AGAP1: variants seen among roughly 807,000 people sequenced by gnomAD.
The protein encoded by AGAP1 is ArfGAP with GTPase domain, ankyrin repeat and PH domain 1, also known as arf-GAP with GTPase, ANK repeat and PH domain-containing protein 1.
A neutral mutation model predicts 105.3 loss-of-function variants in AGAP1; 29 were observed. The observed-to-expected ratio is 0.28, with a 90% CI of 0.21 to 0.38. The LOEUF (loss-of-function observed/expected upper bound fraction) is 0.38, where lower values mean the gene tolerates loss of function less well. AGAP1 is among the 10% of genes least tolerant of loss of function. The pLI is 1.00. For synonymous variants in AGAP1, 509 were observed against 485.9 expected, an observed-to-expected ratio of 1.05 and a Z score of -0.63; for missense variants, 998 against 1,165.1, an observed-to-expected ratio of 0.86 and a Z score of 2.09.
chr2:235,936,934 CTT>C lies in AGAP1; in HGVS notation c.1483+6022_1483+6023del, dbSNP rs900623607. Among the ~76,000 whole-genome samples the C allele has an allele frequency of 6.9e-6, 1 of 144,374 alleles. No individual in the cohort carries two copies. The highest frequency in any genetic ancestry group is 1.5e-5 in the Non-Finnish European group (1 of 65,576). 94.7% of individuals were successfully genotyped at this position (144,374 alleles called of 152,430 possible). A position where few individuals can be genotyped will look rare whatever the true frequency, so the allele number is the denominator to read the frequency against. ...CAAAGCTTGTAATCATTCCCCTCTG[CTT>C]TTTTTTTTTTAAGGAGAAACGCATG... On this transcript the variant is annotated intron_variant, in intron 12 of 17. Transcript: ENST00000304032. This position sits in a 1 kb window ranked among gnomAD's most constrained non-coding sequence, Gnocchi z 4.7.
intron 13 of AGAP1, among the ~76,000 whole-genome samples, chr2:236,017,283 A>T (rs1272876174): frequency 1.4e-5 from 2 of 142,454 alleles, no homozygotes; most frequent in Non-Finnish European, 3.0e-5. Flanking sequence ...ACAGAGCGAG[A>T]CTCCATCTCA....
chr2:236,024,044 T>G (rs1434984183), intron 13 of AGAP1, among the ~76,000 whole-genome samples: 3 of 149,120 alleles, frequency 2.0e-5, no homozygotes, highest in East Asian at 2.0e-4. Flanking sequence ...GTTTTTTTTT[T>G]TTTTTGGAGA....
rs555207573 is a variant in AGAP1 at position 235,824,717 on chromosome 2, A to C, written c.1050+17386A>C. Among the ~76,000 whole-genome samples, 142 of 152,322 alleles carry C rather than the reference A, an allele frequency of 9.3e-4. No homozygotes were observed. The highest frequency in any genetic ancestry group is 1.8e-3 in the Admixed American group (28 of 15,298). On this transcript the variant is annotated intron_variant, in intron 9 of 17. Coordinates refer to ENST00000304032, the MANE Select transcript of AGAP1 (RefSeq NM_001037131.3). This position sits in a 1 kb window ranked among gnomAD's most constrained non-coding sequence, Gnocchi z 5.2. The stretch of plus-strand genomic sequence containing the variant: ...AGCAATAAAAATATATTCCACATGT[A>C]GATGAGATGTGCCCTTATATGAGAC...
chr2:235,544,553 C>G (rs1943561914), intron 1 of AGAP1, among the ~76,000 whole-genome samples: 1 of 152,224 alleles, frequency 6.6e-6, no homozygotes, highest in South Asian at 2.1e-4. Flanking sequence ...CCGGGCCGAC[C>G]ACGGAGCCCC....
chr2:235,587,922 T>A (rs368968704), intron 1 of AGAP1, among the ~76,000 whole-genome samples: 1 of 151,864 alleles, frequency 6.6e-6, no homozygotes, highest in East Asian at 2.0e-4. Flanking sequence ...GGAAGTCATC[T>A]GGCAGCCTTA....
At chr2:235,554,765 G>A (rs1008416224) in intron 1 of AGAP1, among the ~76,000 whole-genome samples, 39 of 152,076 alleles carry the variant, frequency 2.6e-4, no homozygotes, top group African/African-American at 8.5e-4. Flanking sequence ...TGCCTCCCAG[G>A]TTCAAGCAGT....
chr2:235,985,487 C>T (rs2055274494), intron 13 of AGAP1, among the ~76,000 whole-genome samples: 1 of 152,170 alleles, frequency 6.6e-6, no homozygotes, highest in Non-Finnish European at 1.5e-5. Flanking sequence ...GCTTTTGTTG[C>T]AATTGCTTTT....
chr2:235,952,150 C>T (rs2053764458), intron 12 of AGAP1, among the ~76,000 whole-genome samples: 1 of 152,128 alleles, frequency 6.6e-6, no homozygotes, highest in African/African-American at 2.4e-5. Flanking sequence ...GCAGAGCTCA[C>T]CTGCCTCTTG....
At chr2:236,023,509 A>G (rs182059647) in intron 13 of AGAP1, among the ~76,000 whole-genome samples, 1 of 152,210 alleles carries the variant, frequency 6.6e-6, no homozygotes, top group Non-Finnish European at 1.5e-5. Flanking sequence ...GAAGGTAAGC[A>G]TCGGTGGTAA....
Position 236,053,391 on chromosome 2 carries a change from C to T in AGAP1, c.2114+4110C>T, listed in dbSNP as rs527284083. 7.2e-4 allele frequency among the ~76,000 whole-genome samples: 109 copies of T among 152,348 alleles called. 1 individual carries two copies. Among genetic ancestry groups the T allele is most frequent in the African/African-American group, 2.3e-3 (97 of 41,576 alleles). Reference sequence around the variant, plus strand: ...AACCGGGGCTTTGACGTTTGCAGCACCAGCAAAGCCGTCTCAGTAAACCCG... The same window carrying T: ...AACCGGGGCTTTGACGTTTGCAGCATCAGCAAAGCCGTCTCAGTAAACCCG... On this transcript the variant is annotated intron_variant, in intron 16 of 17. Transcript: ENST00000304032. This position sits in a 1 kb window ranked among gnomAD's most constrained non-coding sequence, Gnocchi z 4.6.
At chr2:235,996,264 G>A (rs929144622) in intron 13 of AGAP1, among the ~76,000 whole-genome samples, 1 of 152,184 alleles carries the variant, frequency 6.6e-6, no homozygotes, top group Non-Finnish European at 1.5e-5. Context: ...CTTGACACCT[G>A]CACCCAGGTG....
At position 236,061,513 on chromosome 2, in the gene AGAP1, T is replaced by G. The variant is rs925354409; in HGVS notation, c.2114+12232T>G. 1.3e-5 allele frequency among the ~76,000 whole-genome samples: 2 copies of G among 152,226 alleles called. No individual in the cohort carries two copies. Among genetic ancestry groups the G allele is most frequent in the Admixed American group, 1.3e-4 (2 of 15,284 alleles). On this transcript the variant is annotated intron_variant, in intron 16 of 17. Coordinates refer to ENST00000304032, the MANE Select transcript of AGAP1 (RefSeq NM_001037131.3). The surrounding 1 kb of genome is among the most constrained non-coding windows in gnomAD (Gnocchi z 4.1). Reference sequence around the variant, plus strand: ...GTCTGTCCGTACACCAGAACGTGATTCTGCCATGGGAAGGAGTGAAGTGTG... The same window carrying G: ...GTCTGTCCGTACACCAGAACGTGATGCTGCCATGGGAAGGAGTGAAGTGTG...
chr2:235,671,190 C>T (rs1342716796), intron 1 of AGAP1: 7 of 1,046,272 alleles, frequency 6.7e-6, no homozygotes, highest in Non-Finnish European at 8.5e-6. Flanking sequence ...AACTCGGGTA[C>T]TGCGGTTTTC....
At chr2:236,028,125 G>A (rs2057113100) in intron 13 of AGAP1, among the ~76,000 whole-genome samples, 1 of 152,186 alleles carries the variant, frequency 6.6e-6, no homozygotes, top group Non-Finnish European at 1.5e-5. Context: ...AGCAGGGTCT[G>A]TCATGGGGCT....
At chr2:235,944,263 C>T (rs1449727875) in intron 12 of AGAP1, among the ~76,000 whole-genome samples, 1 of 152,178 alleles carries the variant, frequency 6.6e-6, no homozygotes, top group African/African-American at 2.4e-5. Context: ...ACACTATTCT[C>T]ACACATGATC....
intron 1 of AGAP1, among the ~76,000 whole-genome samples, chr2:235,588,420 G>A (rs541573038): frequency 6.6e-5 from 10 of 151,816 alleles, no homozygotes; most frequent in South Asian, 2.1e-4. Context: ...CCAACGCACC[G>A]TCACCTTCCT....
At position 235,867,536 on chromosome 2, in the gene AGAP1, A is replaced by AGTGTGTGTGTGT. The variant is rs61257818; in HGVS notation, c.1051-15781_1051-15770dup. The stretch of plus-strand genomic sequence containing the variant: ...ATCATACACCTTATGCTGGTGCTGC[A>AGTGTGTGTGTGT]GTGTGTGTGTGTGTGTGTGTGTGTG... On this transcript the variant is annotated intron_variant, in intron 9 of 17. Coordinates refer to ENST00000304032, the MANE Select transcript of AGAP1 (RefSeq NM_001037131.3). This position sits in a 1 kb window ranked among gnomAD's most constrained non-coding sequence, Gnocchi z 5.4. Among the ~76,000 whole-genome samples the AGTGTGTGTGTGT allele has an allele frequency of 0.02, 2,434 of 123,288 alleles. 47 individuals are homozygous for AGTGTGTGTGTGT. Among genetic ancestry groups the AGTGTGTGTGTGT allele is most frequent in the Middle Eastern group, 0.033 (8 of 246 alleles). 80.9% of individuals were successfully genotyped at this position (123,288 alleles called of 152,430 possible).
chr2:235,962,046 G>GGTTTTGTTTTGTTTT lies in AGAP1; in HGVS notation c.1484-6391_1484-6377dup, dbSNP rs72183486. Among the ~76,000 whole-genome samples the GGTTTTGTTTTGTTTT allele has an allele frequency of 1.7e-4, 25 of 150,644 alleles. No homozygotes were observed. The highest frequency in any genetic ancestry group is 1.5e-3 in the Admixed American group (22 of 15,162). ...CTTCTGATGGATGCTTTTGGTTTTT[G>GGTTTTGTTTTGTTTT]GTTTTGTTTTGTTTTGTTTTGTTTT... On this transcript the variant is annotated intron_variant, in intron 12 of 17. Transcript: ENST00000304032. This position sits in a 1 kb window ranked among gnomAD's most constrained non-coding sequence, Gnocchi z 5.3.
intron 1 of AGAP1, among the ~76,000 whole-genome samples, chr2:235,523,323 G>A (rs7423139): frequency 0.039 from 5,920 of 152,298 alleles, 407 homozygotes; most frequent in African/African-American, 0.13. Flanking sequence ...ATAACAGGGT[G>A]AGGGTGCAGT....
Sources: gnomAD v4.1 joint callset for allele counts (sites outside exome capture counted in the v4.1 genomes callset) on GRCh38, gnomAD v4.1.1 for gene constraint, Gnocchi (gnomAD v3.1) non-coding constraint, MANE v1.5 for transcripts, NCBI Gene and HGNC (gene_info 2026-07-23, HGNC 2026-07-21) for gene names.